NRXN3: variants seen among roughly 807,000 people sequenced by gnomAD.
NRXN3 encodes neurexin 3.
Under a neutral mutation model 137.6 loss-of-function variants are expected in NRXN3, and 32 were observed. That is an observed-to-expected ratio of 0.23 (90% CI 0.18 to 0.31). The LOEUF is 0.31. Among genes scored for constraint, NRXN3 ranks in the 10% least tolerant of loss-of-function variants. The pLI, the probability that NRXN3 is intolerant of heterozygous loss-of-function variation, is 1.00. For missense variants in NRXN3, 1,574 were observed against 2,062.5 expected, an observed-to-expected ratio of 0.76 and a Z score of 4.59; for synonymous variants, 798 against 784.5, an observed-to-expected ratio of 1.02 and a Z score of -0.29.
intron 4 of NRXN3, among the ~76,000 whole-genome samples, chr14:78,380,643 T>G (rs2088906797): frequency 6.6e-6 from 1 of 152,218 alleles, no homozygotes; most frequent in African/African-American, 2.4e-5. Flanking sequence ...GCAAACTTGC[T>G]TGATCCTCTG....
intron 17 of NRXN3, among the ~76,000 whole-genome samples, chr14:79,691,019 C>G (rs2098714547): frequency 6.6e-6 from 1 of 152,062 alleles, no homozygotes; most frequent in South Asian, 2.1e-4. Flanking sequence ...TAATGAATTA[C>G]AATTCACTAA....
chr14:78,214,153 A>T (rs1475770972), intron 1 of NRXN3, among the ~76,000 whole-genome samples: 1 of 151,878 alleles, frequency 6.6e-6, no homozygotes, highest in Non-Finnish European at 1.5e-5. Flanking sequence ...CTCCATTCTT[A>T]TTGCCTACTA....
At chr14:79,652,829 C>A (rs2098483568) in intron 16 of NRXN3, among the ~76,000 whole-genome samples, 1 of 151,888 alleles carries the variant, frequency 6.6e-6, no homozygotes, top group Non-Finnish European at 1.5e-5. Context: ...ATAGGGCCGG[C>A]CTTTTTTCGA....
At chr14:78,577,669 T>G (rs765453404) in intron 4 of NRXN3, among the ~76,000 whole-genome samples, 4 of 152,174 alleles carry the variant, frequency 2.6e-5, no homozygotes, top group Non-Finnish European at 5.9e-5. Context: ...TTCTCCATGT[T>G]GGTCAGGCTG....
chr14:79,213,549 T>G (rs1322660629), intron 15 of NRXN3, among the ~76,000 whole-genome samples: 1 of 151,780 alleles, frequency 6.6e-6, no homozygotes, highest in African/African-American at 2.4e-5. Flanking sequence ...TAAAATAGTA[T>G]GTAGCACATT....
At chr14:79,659,837 A>G (rs992613450) in intron 16 of NRXN3, among the ~76,000 whole-genome samples, 2 of 152,122 alleles carry the variant, frequency 1.3e-5, no homozygotes, top group African/African-American at 4.8e-5. Context: ...TAAAACCCAC[A>G]TTTATTCTAT....
intron 6 of NRXN3, among the ~76,000 whole-genome samples, chr14:78,686,036 C>G (rs1381246225): frequency 6.6e-6 from 1 of 152,012 alleles, no homozygotes; most frequent in African/African-American, 2.4e-5. Context: ...CTCCTTCTTC[C>G]GTTTAGCTTG....
At chr14:78,856,813 A>G (rs2099058490) in intron 10 of NRXN3, among the ~76,000 whole-genome samples, 1 of 152,166 alleles carries the variant, frequency 6.6e-6, no homozygotes, top group Non-Finnish European at 1.5e-5. Flanking sequence ...GGCTTTCTGC[A>G]ACCTCTGCCT....
chr14:79,280,584 G>A, intron 15 of NRXN3: 3 of 1,541,160 alleles, frequency 1.9e-6, no homozygotes, highest in Non-Finnish European at 2.7e-6. Flanking sequence ...ATAGCAATTC[G>A]CTAACCCACT....
At chr14:78,409,688 T>C (rs757428920) in intron 4 of NRXN3, among the ~76,000 whole-genome samples, 3 of 152,152 alleles carry the variant, frequency 2.0e-5, no homozygotes, top group Non-Finnish European at 4.4e-5. Flanking sequence ...GAAAAGCAAA[T>C]AGAATGCAAT....
At chr14:79,619,570 C>G (rs2098199566) in intron 16 of NRXN3, among the ~76,000 whole-genome samples, 1 of 152,008 alleles carries the variant, frequency 6.6e-6, no homozygotes, top group Non-Finnish European at 1.5e-5. Context: ...ATATTAAACA[C>G]TTTCTTTATA....
intron 1 of NRXN3, among the ~76,000 whole-genome samples, chr14:78,179,308 G>T (rs1215742312): frequency 6.6e-6 from 1 of 152,212 alleles, no homozygotes. Context: ...ACTTTTTCTT[G>T]GTGGAGAGGC....
intron 15 of NRXN3, among the ~76,000 whole-genome samples, chr14:79,347,490 C>T (rs980194004): frequency 8.7e-5 from 13 of 149,652 alleles, no homozygotes; most frequent in African/African-American, 2.9e-4. Flanking sequence ...GGCGTGATCT[C>T]GGCTCACTAC....
chr14:79,015,873 C>T (rs1024243311), intron 15 of NRXN3, among the ~76,000 whole-genome samples: 4 of 152,094 alleles, frequency 2.6e-5, no homozygotes, highest in Admixed American at 6.6e-5. Context: ...TTCTATCCAA[C>T]CTCAAGATTT....
intron 4 of NRXN3, among the ~76,000 whole-genome samples, chr14:78,611,516 TC>T (rs1200171381): frequency 6.6e-6 from 1 of 152,142 alleles, no homozygotes; most frequent in African/African-American, 2.4e-5. Flanking sequence ...ACTTACAAGT[TC>T]CAAAGCACAT....
Position 78,436,944 on chromosome 14 carries a change from A to G in NRXN3, c.757+139084A>G, listed in dbSNP as rs76660790. 5.7e-3 allele frequency among the ~76,000 whole-genome samples: 866 copies of G among 152,098 alleles called. 30 individuals are homozygous for G. In the East Asian group the frequency reaches 0.067, roughly 12 times the overall value. ...TTATGGGTGATGGCTAAGAGCATGA[A>G]CTCTGGCAGGTTTGAACTACCAGTG... On this transcript the variant is annotated intron_variant, in intron 4 of 20. Coordinates refer to ENST00000335750, the MANE Select transcript of NRXN3 (RefSeq NM_001330195.2).
chr14:79,594,501 A>C (rs986911843), intron 16 of NRXN3, among the ~76,000 whole-genome samples: 7 of 152,214 alleles, frequency 4.6e-5, no homozygotes, highest in Admixed American at 1.3e-4. Flanking sequence ...TTAAATGAAG[A>C]TGGTCCATGA....
intron 4 of NRXN3, among the ~76,000 whole-genome samples, chr14:78,564,065 T>C (rs1293267786): frequency 2.0e-4 from 30 of 152,150 alleles, no homozygotes; most frequent in Admixed American, 2.0e-3. Context: ...ACTCTTTTCT[T>C]CCAGGACAAA....
At chr14:79,783,374 G>A (rs753046158) in intron 19 of NRXN3, among the ~76,000 whole-genome samples, 91 of 152,166 alleles carry the variant, frequency 6.0e-4, no homozygotes, top group Non-Finnish European at 1.1e-3. Context: ...GTTACAGATT[G>A]CTTTTTTATG....
Sources: gnomAD v4.1 joint callset for allele counts (sites outside exome capture counted in the v4.1 genomes callset) on GRCh38, gnomAD v4.1.1 for gene constraint, MANE v1.5 for transcripts, NCBI Gene and HGNC (gene_info 2026-07-23, HGNC 2026-07-21) for gene names.